The following LRRC36 variants were observed in gnomAD, a reference collection of about 807,000 sequenced individuals.
LRRC36 encodes leucine-rich repeat-containing protein 36.
In LRRC36, 62 loss-of-function variants were observed where a neutral mutation model predicts 81.1. The observed-to-expected ratio is 0.76, with a 90% CI of 0.62 to 0.94. The LOEUF is 0.94. Among genes scored for constraint, LRRC36 ranks in the 40% least tolerant of loss-of-function variants. LRRC36 has a pLI of 0.00. For synonymous variants in LRRC36, 334 were observed against 348.6 expected (o/e 0.96, Z 0.47); for missense variants, 761 against 881.7 (o/e 0.86, Z 1.73).
intron 13 of LRRC36, among the ~76,000 whole-genome samples, chr16:67,383,100 A>C (rs6499127): frequency 0.17 from 24,714 of 146,098 alleles, 5,228 homozygotes; most frequent in African/African-American, 0.5. Context: ...AAAAAAAGCA[A>C]CCCCAGGATA....
intron 1 of LRRC36, among the ~76,000 whole-genome samples, chr16:67,335,527 G>T (rs2037715193): frequency 6.6e-6 from 1 of 152,112 alleles, no homozygotes; most frequent in African/African-American, 2.4e-5. Context: ...TCATCACAGG[G>T]TCCTGAGGCA....
chr16:67,357,995 A>G (rs1427382340), intron 5 of LRRC36, among the ~76,000 whole-genome samples: 1 of 152,250 alleles, frequency 6.6e-6, no homozygotes, highest in African/African-American at 2.4e-5. Flanking sequence ...ACAACAGGTC[A>G]TAATTACATT....
At chr16:67,371,406 T>C (rs542491325) in intron 9 of LRRC36, 164 bp downstream of exon 9, 156 of 776,650 alleles carry the variant, frequency 2.0e-4, no homozygotes, top group Non-Finnish European at 3.0e-4. Flanking sequence ...CTGTTGAGCC[T>C]TCTGCCCTTG....
At chr16:67,347,360 T>G (rs1218014733) in intron 3 of LRRC36, 135 bp from the exon 4 acceptor site, 12 of 1,478,274 alleles carry the variant, frequency 8.1e-6, no homozygotes, top group Non-Finnish European at 1.1e-5. Context: ...ATAGCATTAT[T>G]TTGTGACCTG....
intron 8 of LRRC36, among the ~76,000 whole-genome samples, chr16:67,368,793 T>C (rs1296683340): frequency 6.6e-6 from 1 of 152,160 alleles, no homozygotes; most frequent in Non-Finnish European, 1.5e-5. Flanking sequence ...GCTAGACAGA[T>C]AGCGGTGGAG....
chr16:67,365,255 T>G (rs761791756), intron 6 of LRRC36, 49 bp from the exon 7 acceptor site: 1 of 1,276,434 alleles, frequency 7.8e-7, no homozygotes, highest in Non-Finnish European at 1.1e-6. Flanking sequence ...AAGCTCACAT[T>G]TGAACGCGCA....
At chr16:67,348,159 T>A (rs899985912) in intron 4 of LRRC36, among the ~76,000 whole-genome samples, 9 of 152,212 alleles carry the variant, frequency 5.9e-5, no homozygotes, top group Admixed American at 1.3e-4. Context: ...TATTATTTTT[T>A]AAAAATAGAT....
rs1173579387 is a variant in LRRC36 at position 67,365,287 on chromosome 16, T to C, written c.703-17T>C. Reference sequence around the variant, plus strand: ...CGCATGGACTTCCTTCTACCTAAACTTTCGAACTTTTTTTAGACACAGGAA... The same window carrying C: ...CGCATGGACTTCCTTCTACCTAAACCTTCGAACTTTTTTTAGACACAGGAA... On this transcript the variant is annotated splice_polypyrimidine_tract_variant and intron_variant, in intron 6 of 13. Coordinates refer to ENST00000329956, the MANE Select transcript of LRRC36 (RefSeq NM_018296.6). 8 of 1,608,354 alleles carry C rather than the reference T, an allele frequency of 5.0e-6. No individual in the cohort carries two copies. In the African/African-American group the frequency reaches 1.1e-4, roughly 22 times the overall value.
intron 4 of LRRC36, among the ~76,000 whole-genome samples, chr16:67,348,930 GT>G (rs967930014): frequency 5.3e-5 from 8 of 152,174 alleles, no homozygotes; most frequent in African/African-American, 1.9e-4. Context: ...TCCATTATAT[GT>G]TTTTTAGTGC....
intron 1 of LRRC36, among the ~76,000 whole-genome samples, chr16:67,332,685 C>T (rs1312315151): frequency 6.6e-6 from 1 of 152,142 alleles, no homozygotes; most frequent in Non-Finnish European, 1.5e-5. Context: ...CACATTCCTT[C>T]TTAAAATGTT....
chr16:67,362,873 G>A (rs1238446592), intron 5 of LRRC36, among the ~76,000 whole-genome samples: 1 of 152,016 alleles, frequency 6.6e-6, no homozygotes, highest in African/African-American at 2.4e-5. Context: ...CACCTCCCTG[G>A]TTCAAGCAAT....
chr16:67,332,910 A>G (rs1196006861), intron 1 of LRRC36, among the ~76,000 whole-genome samples: 1 of 151,604 alleles, frequency 6.6e-6, no homozygotes, highest in Non-Finnish European at 1.5e-5. Context: ...TTTTTTAAAA[A>G]AAACATGGTC....
intron 10 of LRRC36, 119 bp downstream of exon 10, chr16:67,375,531 C>A: frequency 1.4e-6 from 1 of 732,402 alleles, no homozygotes; most frequent in Non-Finnish European, 2.1e-6. Context: ...TGATCACATC[C>A]TGAAACATCT....
intron 5 of LRRC36, among the ~76,000 whole-genome samples, chr16:67,363,304 T>C (rs1187613940): frequency 6.6e-6 from 1 of 152,216 alleles, no homozygotes; most frequent in African/African-American, 2.4e-5. Flanking sequence ...TCAGTTTCTG[T>C]TGAGCACTTC....
intron 8 of LRRC36, among the ~76,000 whole-genome samples, chr16:67,369,075 C>G (rs6499126): frequency 0.089 from 13,521 of 152,114 alleles, 1,976 homozygotes; most frequent in African/African-American, 0.31. Flanking sequence ...GGTAATTGGA[C>G]ATACTAGTCC....
chr16:67,338,895 TTTTTTTTTTTTTTTTTA>T (rs2142610588), intron 1 of LRRC36, among the ~76,000 whole-genome samples: 1 of 106,466 alleles, frequency 9.4e-6, no homozygotes. Context: ...TTTTTTTTTT[TTTTTTTTTTTTTTTTTA>T]GGGACAGAGT....
intron 5 of LRRC36, among the ~76,000 whole-genome samples, chr16:67,353,664 G>A (rs900386025): frequency 6.6e-6 from 1 of 152,154 alleles, no homozygotes; most frequent in African/African-American, 2.4e-5. Context: ...TGGGATTATA[G>A]CACGTCCAGC....
chr16:67,332,002 AAAAG>A (rs1325204172), intron 1 of LRRC36, among the ~76,000 whole-genome samples: 2 of 152,226 alleles, frequency 1.3e-5, no homozygotes, highest in East Asian at 1.9e-4. Flanking sequence ...AAAAAAAAGA[AAAAG>A]AAAAAGTTTT....
At position 67,346,383 on chromosome 16, in the gene LRRC36, T is replaced by C; in HGVS notation, c.326T>C (p.Val109Ala). The change falls in exon 3 of 14, where the codon GTT (valine) becomes GCT (alanine). Residue 109 changes from valine to alanine, a missense_variant. Physicochemically the swap from Val to Ala is moderately conservative, Grantham distance 64. Around this residue, in one of 3 missense-constraint regions of LRRC36, gnomAD observed 263 missense variants for 279.3 expected, o/e 0.94. Transcript: ENST00000329956. ...LKELDLRLNP[V>A]VRKDTDYRLF... ...GAACTGGATTTGAGACTTAATCCTG[T>C]TGTAAGGAAAGATACAGATTATAGG... The C allele has an allele frequency of 6.2e-7, 1 of 1,613,472 alleles. No homozygotes were observed. The highest frequency in any genetic ancestry group is 8.5e-7 in the Non-Finnish European group (1 of 1,179,520).
Sources: gnomAD v4.1 joint callset for allele counts (sites outside exome capture counted in the v4.1 genomes callset) on GRCh38, gnomAD v4.1.1 for gene constraint, gnomAD v4.1.1 regional missense constraint, MANE v1.5 for transcripts, NCBI Gene and HGNC (gene_info 2026-07-23, HGNC 2026-07-21) for gene names.